Variants in NELL1 observed in about 807,000 individuals in gnomAD.
NELL1 encodes the protein neural EGFL like 1.
A neutral mutation model predicts 107.4 loss-of-function variants in NELL1; 76 were observed. The ratio of observed to expected loss-of-function variants is 0.71; its 90% confidence interval spans 0.59 to 0.86. The LOEUF (loss-of-function observed/expected upper bound fraction) is 0.86. NELL1 is among the 40% of genes least tolerant of loss of function. The probability of loss-of-function intolerance (pLI) is 0.00; values close to 1 mark genes in which losing one functional copy is unlikely to be tolerated. For synonymous variants in NELL1, 353 were observed against 341.2 expected (o/e 1.03, Z -0.38); for missense variants, 1,024 against 1,005.5 (o/e 1.02, Z -0.25).
At chr11:20,720,015 C>T (rs1209894901) in intron 2 of NELL1, among the ~76,000 whole-genome samples, 1 of 152,122 alleles carries the variant, frequency 6.6e-6, no homozygotes, top group Non-Finnish European at 1.5e-5. Context: ...TTAATCCTTG[C>T]CTCAAGGCTG....
intron 12 of NELL1, among the ~76,000 whole-genome samples, chr11:21,016,692 G>A (rs533421957): frequency 2.0e-5 from 3 of 152,026 alleles, no homozygotes; most frequent in South Asian, 2.1e-4. Flanking sequence ...TTAAACCTCC[G>A]GTGACCCCTT....
chr11:21,416,190 T>G (rs569428496), intron 15 of NELL1, among the ~76,000 whole-genome samples: 1 of 152,190 alleles, frequency 6.6e-6, no homozygotes, highest in South Asian at 2.1e-4. Flanking sequence ...ACCCACCTCT[T>G]GACTGTAATT....
intron 13 of NELL1, among the ~76,000 whole-genome samples, chr11:21,135,874 GGTCCCT>G (rs1855734317): frequency 6.6e-6 from 1 of 151,898 alleles, no homozygotes; most frequent in Non-Finnish European, 1.5e-5. Context: ...ATCAATTTTT[GGTCCCT>G]AAACTTGGTG....
rs1337491294 is a variant in NELL1, at chr11:20,755,559, T to TTTTTTATTTA, written c.185-28119_185-28118insTTTATTTATT. Among the ~76,000 whole-genome samples the TTTTTTATTTA allele has an allele frequency of 1.5e-3, 26 of 17,684 alleles. 1 individual carries two copies. The highest frequency in any genetic ancestry group is 0.12 in the Middle Eastern group (1 of 8). 11.6% of individuals were successfully genotyped at this position (17,684 alleles called of 152,430 possible). A position where few individuals can be genotyped will look rare whatever the true frequency, so the allele number is the denominator to read the frequency against. On this transcript the variant is annotated intron_variant, in intron 2 of 19. Coordinates refer to ENST00000357134, the MANE Select transcript of NELL1 (RefSeq NM_006157.5). ...GTTTTTGTTTTTTTTTGTTTTTGTT[T>TTTTTTATTTA]TTGTTTTTTTTTTTTTGAGACAGAA...
chr11:20,987,278 A>G (rs61880767), intron 12 of NELL1, among the ~76,000 whole-genome samples: 11,904 of 152,188 alleles, frequency 0.078, 512 homozygotes, highest in African/African-American at 0.12. Context: ...CAAAACCTAC[A>G]CATCATGGGC....
At chr11:21,431,171 C>T (rs1308329946) in intron 15 of NELL1, among the ~76,000 whole-genome samples, 59 of 149,586 alleles carry the variant, frequency 3.9e-4, no homozygotes, top group Non-Finnish European at 3.0e-4. Flanking sequence ...CACTTCCTCC[C>T]TTCTCTCACT....
At chr11:20,687,493 G>GAT (rs1247154903) in intron 2 of NELL1, among the ~76,000 whole-genome samples, 1 of 152,004 alleles carries the variant, frequency 6.6e-6, no homozygotes, top group Non-Finnish European at 1.5e-5. Flanking sequence ...CAATTTTTGG[G>GAT]AGAATGTAGT....
intron 14 of NELL1, among the ~76,000 whole-genome samples, chr11:21,351,972 A>G (rs1850827627): frequency 6.6e-6 from 1 of 152,140 alleles, no homozygotes; most frequent in Non-Finnish European, 1.5e-5. Context: ...ATTTTCTGTT[A>G]CCGTCTCCTA....
intron 9 of NELL1, among the ~76,000 whole-genome samples, chr11:20,933,000 G>A (rs972396145): frequency 2.0e-5 from 3 of 152,206 alleles, no homozygotes; most frequent in Admixed American, 2.0e-4. Context: ...GTACAAAGTA[G>A]GTAAGAACAT....
chr11:20,863,584 C>A (rs1458424067), intron 4 of NELL1, among the ~76,000 whole-genome samples: 1 of 150,404 alleles, frequency 6.6e-6, no homozygotes, highest in Non-Finnish European at 1.5e-5. Flanking sequence ...ACTTCTCAGA[C>A]GGGATGGCGG....
At chr11:21,213,734 A>C (rs904319526) in intron 13 of NELL1, among the ~76,000 whole-genome samples, 2 of 152,224 alleles carry the variant, frequency 1.3e-5, no homozygotes, top group South Asian at 4.1e-4. Flanking sequence ...ACACAATTCA[A>C]TGGAGAAACA....
chr11:21,550,915 T>C (rs1356138552), intron 16 of NELL1, among the ~76,000 whole-genome samples: 1 of 151,716 alleles, frequency 6.6e-6, no homozygotes, highest in Non-Finnish European at 1.5e-5. Context: ...GCATTGAATC[T>C]ATAAATTACC....
At chr11:21,048,894 A>C (rs1387624754) in intron 12 of NELL1, among the ~76,000 whole-genome samples, 1 of 152,126 alleles carries the variant, frequency 6.6e-6, no homozygotes, top group Non-Finnish European at 1.5e-5. Flanking sequence ...AGTCTCTAAG[A>C]TGTGCTTCCC....
intron 2 of NELL1, among the ~76,000 whole-genome samples, chr11:20,742,996 G>A (rs1209006056): frequency 2.6e-5 from 4 of 152,062 alleles, no homozygotes; most frequent in Non-Finnish European, 4.4e-5. Context: ...AGCTAATGTA[G>A]CTTCTAACCA....
At chr11:21,333,928 C>T (rs781382337) in intron 14 of NELL1, among the ~76,000 whole-genome samples, 2 of 151,970 alleles carry the variant, frequency 1.3e-5, no homozygotes, top group African/African-American at 4.8e-5. Flanking sequence ...ACTGCTGAGT[C>T]GTGAGATTTG....
chr11:21,570,005 G>A (rs958697148), intron 17 of NELL1, among the ~76,000 whole-genome samples: 1 of 151,744 alleles, frequency 6.6e-6, no homozygotes, highest in Non-Finnish European at 1.5e-5. Flanking sequence ...GTAAGCAACA[G>A]ACATAAAAAA....
intron 15 of NELL1, among the ~76,000 whole-genome samples, chr11:21,396,919 G>A (rs1170288922): frequency 6.6e-6 from 1 of 151,548 alleles, no homozygotes; most frequent in African/African-American, 2.4e-5. Context: ...AAGCTAGGTG[G>A]GATTGTACTT....
chr11:21,212,617 A>C (rs571133932), intron 13 of NELL1, among the ~76,000 whole-genome samples: 2 of 152,306 alleles, frequency 1.3e-5, no homozygotes, highest in East Asian at 1.9e-4. Flanking sequence ...AGAAACATGG[A>C]GACTCAATAA....
chr11:21,563,316 TGTA>T (rs1264189689), intron 17 of NELL1, among the ~76,000 whole-genome samples: 3 of 152,056 alleles, frequency 2.0e-5, no homozygotes, highest in African/African-American at 7.2e-5. Flanking sequence ...TTCTAGGAAA[TGTA>T]GTATTTTAGT....
Sources: allele counts gnomAD v4.1 joint callset (sites outside exome capture counted in the v4.1 genomes callset), GRCh38; gene constraint gnomAD v4.1.1; transcripts MANE v1.5; gene names NCBI Gene and HGNC (gene_info 2026-07-23, HGNC 2026-07-21).